Variants in PRMT3 observed in about 807,000 individuals in gnomAD.
PRMT3 encodes the protein protein arginine methyltransferase 3.
A neutral mutation model predicts 71.9 loss-of-function variants in PRMT3; 62 were observed. The ratio of observed to expected loss-of-function variants is 0.86; its 90% CI spans 0.70 to 1.07. The LOEUF (loss-of-function observed/expected upper bound fraction) is 1.07. Among genes scored for constraint, PRMT3 ranks in the 50% least tolerant of loss-of-function variants. The pLI is 0.00. For missense variants in PRMT3, 663 were observed against 643.0 expected (o/e 1.03, Z -0.34); for synonymous variants, 213 against 220.4 (o/e 0.97, Z 0.30).
intron 8 of PRMT3, chr11:20,407,706 G>A: frequency 2.4e-6 from 1 of 415,924 alleles, no homozygotes; most frequent in Non-Finnish European, 4.3e-6. Context: ...GTAATGGAAA[G>A]AGCCGGGCAT....
intron 7 of PRMT3, among the ~76,000 whole-genome samples, chr11:20,402,209 T>C (rs1051326388): frequency 2.6e-5 from 4 of 152,040 alleles, no homozygotes; most frequent in African/African-American, 9.7e-5. Context: ...AACCTCCGCC[T>C]CCCGGGTTCA....
intron 15 of PRMT3, among the ~76,000 whole-genome samples, chr11:20,501,968 A>G (rs1851467649): frequency 6.6e-6 from 1 of 152,220 alleles, no homozygotes; most frequent in Non-Finnish European, 1.5e-5. Flanking sequence ...TTTGACAACA[A>G]TTAATAATGA....
intron 13 of PRMT3, among the ~76,000 whole-genome samples, chr11:20,475,084 T>C (rs1850747596): frequency 6.6e-6 from 1 of 152,224 alleles, no homozygotes; most frequent in African/African-American, 2.4e-5. Flanking sequence ...CTACTACAAG[T>C]ATCTTGGTTA....
intron 10 of PRMT3, among the ~76,000 whole-genome samples, chr11:20,449,398 A>G (rs1235521197): frequency 6.6e-6 from 1 of 152,126 alleles, no homozygotes; most frequent in Non-Finnish European, 1.5e-5. Flanking sequence ...TCCTTAACAA[A>G]TGTAGTATAA....
intron 15 of PRMT3, among the ~76,000 whole-genome samples, chr11:20,494,743 T>G (rs1201419282): frequency 1.3e-5 from 2 of 152,160 alleles, no homozygotes; most frequent in African/African-American, 2.4e-5. Context: ...TAAGAAAAAT[T>G]TTTAAGTCTA....
chr11:20,408,146 T>A, intron 9 of PRMT3, 114 bp downstream of exon 9: 1 of 692,842 alleles, frequency 1.4e-6, no homozygotes, highest in Non-Finnish European at 2.1e-6. Flanking sequence ...TGTCTTTTAG[T>A]AAAAATTCAC....
intron 10 of PRMT3, among the ~76,000 whole-genome samples, chr11:20,446,836 T>C (rs139179395): frequency 0.015 from 2,242 of 152,276 alleles, 30 homozygotes; most frequent in Non-Finnish European, 0.024. Context: ...GGTATCCCTG[T>C]TGAGTGATAT....
intron 13 of PRMT3, among the ~76,000 whole-genome samples, chr11:20,470,080 A>G (rs1486935774): frequency 6.6e-6 from 1 of 152,178 alleles, no homozygotes; most frequent in Non-Finnish European, 1.5e-5. Flanking sequence ...CCTAGATTAT[A>G]TAGCCTACTA....
intron 11 of PRMT3, among the ~76,000 whole-genome samples, chr11:20,455,812 G>T (rs1005813133): frequency 6.6e-6 from 1 of 151,584 alleles, no homozygotes; most frequent in South Asian, 2.1e-4. Context: ...TTGAAGAAAT[G>T]ATATACTGTA....
chr11:20,504,873 A>G (rs139727786), intron 15 of PRMT3, among the ~76,000 whole-genome samples: 73 of 152,270 alleles, frequency 4.8e-4, no homozygotes, highest in African/African-American at 1.7e-3. Context: ...AACTGAGACT[A>G]CAGGTGTGCA....
chr11:20,397,458 T>G, intron 6 of PRMT3, 119 bp from the exon 7 acceptor site: 1 of 959,568 alleles, frequency 1.0e-6, no homozygotes, highest in African/African-American at 1.6e-5. Flanking sequence ...AGATAGAATG[T>G]GATTTAGAAG....
intron 13 of PRMT3, among the ~76,000 whole-genome samples, chr11:20,470,981 T>A: frequency 6.6e-6 from 1 of 152,204 alleles, no homozygotes; most frequent in East Asian, 1.9e-4. Context: ...GTTTCTCTAA[T>A]GATCAGTAAT....
chr11:20,503,311 AATTG>A (rs1417456189), intron 15 of PRMT3, among the ~76,000 whole-genome samples: 15 of 152,148 alleles, frequency 9.9e-5, no homozygotes, highest in Non-Finnish European at 1.9e-4. Context: ...GAGTCTTCAT[AATTG>A]ATCTTATTTC....
intron 13 of PRMT3, among the ~76,000 whole-genome samples, chr11:20,470,684 T>C (rs1464142233): frequency 1.3e-5 from 2 of 152,190 alleles, no homozygotes; most frequent in African/African-American, 4.8e-5. Flanking sequence ...CCATCATGAA[T>C]AGTGCTGCAG....
chr11:20,462,310 C>T lies in PRMT3; in HGVS notation c.1260+143C>T, dbSNP rs1051304731. Reference sequence around the variant, plus strand: ...TAATCAGTCTAAAACAAATTGAGGTCATAATATTTACCAGTTGACTATATC... The same window carrying T: ...TAATCAGTCTAAAACAAATTGAGGTTATAATATTTACCAGTTGACTATATC... On this transcript the variant is annotated intron_variant, in intron 12 of 15. Coordinates refer to ENST00000331079, the MANE Select transcript of PRMT3 (RefSeq NM_005788.4). 6 of 591,662 alleles carry T rather than the reference C, an allele frequency of 1.0e-5. No homozygotes were observed. The Admixed American group carries it at 1.3e-4, about 13-fold the overall frequency. 36.7% of individuals were successfully genotyped at this position (591,662 alleles called of 1,614,324 possible).
chr11:20,393,133 G>A (rs994700074), intron 5 of PRMT3, 134 bp downstream of exon 5: 10 of 651,380 alleles, frequency 1.5e-5, no homozygotes, highest in African/African-American at 3.7e-5. Flanking sequence ...GTTAGTTTCA[G>A]TAGAAAAGTT....
chr11:20,440,080 G>A (rs543688154), intron 10 of PRMT3, among the ~76,000 whole-genome samples: 10 of 152,326 alleles, frequency 6.6e-5, no homozygotes, highest in African/African-American at 2.4e-4. Flanking sequence ...CATAGAAAAT[G>A]AAGAAATCAG....
intron 8 of PRMT3, chr11:20,405,652 A>G (rs1272719868): frequency 1.3e-5 from 2 of 152,208 alleles, no homozygotes; most frequent in Non-Finnish European, 2.9e-5. Flanking sequence ...TATACATTAT[A>G]TATGAATGTA....
intron 15 of PRMT3, among the ~76,000 whole-genome samples, chr11:20,506,486 G>A (rs199780653): frequency 1.1e-4 from 15 of 138,374 alleles, no homozygotes. Flanking sequence ...GTGTTAAACT[G>A]TGAGTCTCAC....
Sources: allele counts gnomAD v4.1 joint callset (sites outside exome capture counted in the v4.1 genomes callset), GRCh38; gene constraint gnomAD v4.1.1; transcripts MANE v1.5; gene names NCBI Gene and HGNC (gene_info 2026-07-23, HGNC 2026-07-21).